Variants in HIP1 observed in about 807,000 individuals in gnomAD.
The protein encoded by HIP1 is huntingtin interacting protein 1.
A neutral mutation model predicts 147.6 loss-of-function variants in HIP1; 65 were observed. The observed-to-expected ratio is 0.44, with a 90% confidence interval of 0.36 to 0.54. The LOEUF is 0.54. HIP1 is among the 20% of genes least tolerant of loss of function. The pLI is 0.00. For synonymous variants in HIP1, 479 were observed against 504.0 expected (o/e 0.95, Z 0.67); for missense variants, 1,061 against 1,299.6 (o/e 0.82, Z 2.82).
intron 1 of HIP1, among the ~76,000 whole-genome samples, chr7:75,601,517 A>C (rs1254732964): frequency 7.9e-5 from 12 of 151,634 alleles, no homozygotes; most frequent in African/African-American, 2.9e-4. Flanking sequence ...AATTGCTTGA[A>C]CCTGGGAGGC....
At chr7:75,738,565 G>A (rs1802101553) in intron 1 of HIP1, among the ~76,000 whole-genome samples, 2 of 152,008 alleles carry the variant, frequency 1.3e-5, no homozygotes, top group Non-Finnish European at 2.9e-5. Context: ...TCTTGGCCAC[G>A]CATCCTGCCA....
chr7:75,549,058 T>A, intron 22 of HIP1, 57 bp from the exon 23 acceptor site: 1 of 1,237,754 alleles, frequency 8.1e-7, no homozygotes, highest in Non-Finnish European at 1.2e-6. Flanking sequence ...TCTTCTCCTC[T>A]GCCATCTGTA....
chr7:75,559,889 C>T lies in HIP1; in HGVS notation c.1218G>A (p.Lys406=), dbSNP rs113843272. 33 of 1,608,834 alleles carry T rather than the reference C, an allele frequency of 2.1e-5. 2 individuals are homozygous for T. In the African/African-American group the frequency reaches 2.4e-4, roughly 12 times the overall value. The change falls in exon 14 of 31, where the codon AAG becomes AAA. Residue 406 remains lysine (K), a synonymous_variant. Transcript: ENST00000336926. ...TESQRVVLQL[K]GHVSELEADL... ...CTGCTTCCAGCTCGCTGACGTGGCC[C>T]TTCAGCTGCAGCACAACCCGCTGGC...
chr7:75,556,629 T>G, intron 17 of HIP1, 81 bp downstream of exon 17: 1 of 891,586 alleles, frequency 1.1e-6, no homozygotes, highest in Non-Finnish European at 1.8e-6. Flanking sequence ...GAGGCTGCAG[T>G]GAGCTGCGAT....
At chr7:75,594,327 ACTT>A (rs1563229136) in intron 2 of HIP1, among the ~76,000 whole-genome samples, 1 of 151,014 alleles carries the variant, frequency 6.6e-6, no homozygotes, top group East Asian at 2.0e-4. Flanking sequence ...TGAACACCCG[ACTT>A]CTTCCATAAA....
chr7:75,682,579 C>CGGAAAACAAA (rs1175375769), intron 1 of HIP1, among the ~76,000 whole-genome samples: 4 of 76,506 alleles, frequency 5.2e-5, no homozygotes, highest in African/African-American at 1.3e-4. Flanking sequence ...ATTTTACAGA[C>CGGAAAACAAA]AGAAAACAAA....
chr7:75,701,029 C>T (rs1800814095), intron 1 of HIP1, among the ~76,000 whole-genome samples: 1 of 152,054 alleles, frequency 6.6e-6, no homozygotes, highest in South Asian at 2.1e-4. Context: ...AACTTTTAAC[C>T]CCTAAACAAG....
In HIP1 at chr7:75,568,359, T is replaced by C; in HGVS notation, c.746-103A>G. On this transcript the variant is annotated intron_variant, in intron 8 of 30. Coordinates refer to ENST00000336926, the MANE Select transcript of HIP1 (RefSeq NM_005338.7). This position sits in a 1 kb window ranked among gnomAD's most constrained non-coding sequence, Gnocchi z 4.1. Reference sequence around the variant, plus strand: ...AGGGGCCCAGCTACCCTGGGGCATGTGGCCAGCACTGCCAGGGGCCACGAC... The same window carrying C: ...AGGGGCCCAGCTACCCTGGGGCATGCGGCCAGCACTGCCAGGGGCCACGAC... 1.2e-6 allele frequency: 1 copy of C among 800,850 alleles called. No homozygotes were observed. The highest frequency in any genetic ancestry group is 2.2e-6 in the Non-Finnish European group (1 of 447,688). 49.6% of individuals were successfully genotyped at this position (800,850 alleles called of 1,614,324 possible). A position where few individuals can be genotyped will look rare whatever the true frequency, so the allele number is the denominator to read the frequency against.
In HIP1 at chr7:75,563,234, T is replaced by C. The variant is rs868969978; in HGVS notation, c.833A>G (p.Asn278Ser). ...AATGAGCCGCTTGAAGTACTGCAGG[T>C]TGCTGGAGCGGTAGAACAGATCTTT... ...KLKDLFYRSS[N>S]LQYFKRLIQI... Residue 278 changes from asparagine to serine, a missense_variant, in exon 10 of 31, where the codon AAC (asparagine) becomes AGC (serine). Physicochemically the swap from Asn to Ser is conservative, Grantham distance 46. Transcript: ENST00000336926. 1 of 1,614,172 alleles carries C rather than the reference T, an allele frequency of 6.2e-7. No homozygotes were observed. Among genetic ancestry groups the C allele is most frequent in the Middle Eastern group, 1.6e-4 (1 of 6,062 alleles).
At chr7:75,570,482 A>G (rs895946154) in intron 8 of HIP1, among the ~76,000 whole-genome samples, 3 of 149,270 alleles carry the variant, frequency 2.0e-5, no homozygotes, top group South Asian at 2.1e-4. Flanking sequence ...TAGTAGAGAC[A>G]GGGTTTCACC....
chr7:75,536,629 G>A lies in HIP1; in HGVS notation c.*1543C>T, dbSNP rs1475014124. ...GCCCTCTGTCCTCATCCTGTCCACAGGGCAGCGAGAGCCTGGGGCATGTGG... is the reference window on the plus strand; with the variant it reads ...GCCCTCTGTCCTCATCCTGTCCACAAGGCAGCGAGAGCCTGGGGCATGTGG... On this transcript the variant is annotated 3_prime_UTR_variant, in exon 31 of 31. Coordinates refer to ENST00000336926, the MANE Select transcript of HIP1 (RefSeq NM_005338.7). The A allele has an allele frequency of 2.2e-5, 5 of 230,152 alleles. No individual in the cohort carries two copies. The East Asian group carries it at 3.1e-4, about 14-fold the overall frequency. 14.3% of individuals were successfully genotyped at this position (230,152 alleles called of 1,614,324 possible). A position where few individuals can be genotyped will look rare whatever the true frequency, so the allele number is the denominator to read the frequency against.
chr7:75,639,024 C>T, intron 1 of HIP1: 1 of 839,012 alleles, frequency 1.2e-6, no homozygotes, highest in South Asian at 5.6e-5. Context: ...GGAGGGGGCT[C>T]GGGGCAAAGC....
Position 75,556,091 on chromosome 7 carries a change from C to T in HIP1, c.1762G>A (p.Glu588Lys), listed in dbSNP as rs781969172. 1.2e-6 allele frequency: 2 copies of T among 1,614,218 alleles called. No individual in the cohort carries two copies. The highest frequency in any genetic ancestry group is 1.1e-5 in the South Asian group (1 of 91,084). ...DSLVSGAAHR[E>K]EELSALRKEL... Reference sequence around the variant, plus strand: ...TTCCGAAGAGCAGATAATTCCTCCTCCCTATGAGCTGCGCCACTCACCAGG... The same window carrying T: ...TTCCGAAGAGCAGATAATTCCTCCTTCCTATGAGCTGCGCCACTCACCAGG... Residue 588 changes from glutamate (E) to lysine (K), a missense_variant, in exon 18 of 31, where the codon GAG becomes AAG. Transcript: ENST00000336926.
chr7:75,615,126 G>C (rs1251243032), intron 1 of HIP1, among the ~76,000 whole-genome samples: 4 of 152,076 alleles, frequency 2.6e-5, no homozygotes, highest in Non-Finnish European at 2.9e-5. Flanking sequence ...CTGCCACACA[G>C]ATAGTAAGGC....
In HIP1 at chr7:75,732,820, C is replaced by T. The variant is rs117755040; in HGVS notation, c.120+5981G>A. On this transcript the variant is annotated intron_variant, in intron 1 of 30. Transcript: ENST00000336926. ...GTACCCAGGGCTGTGGTGAACACGA[C>T]AAGTCCTGATTCAGTAGTTCTGGGT... Among the ~76,000 whole-genome samples the T allele has an allele frequency of 2.5e-4, 38 of 152,256 alleles. No individual in the cohort carries two copies. The East Asian group carries it at 6.9e-3, about 28-fold the overall frequency.
At chr7:75,587,742 T>C (rs1554499866) in intron 4 of HIP1, among the ~76,000 whole-genome samples, 1 of 152,048 alleles carries the variant, frequency 6.6e-6, no homozygotes, top group East Asian at 1.9e-4. Flanking sequence ...GGAGGGAGGA[T>C]TGCTTGAGCT....
At chr7:75,592,896 G>T (rs1554501087) in intron 2 of HIP1, among the ~76,000 whole-genome samples, 1 of 152,176 alleles carries the variant, frequency 6.6e-6, no homozygotes, top group Non-Finnish European at 1.5e-5. Context: ...TACCCTGTAG[G>T]CCACGGTGGT....
At chr7:75,723,657 G>A (rs1483730146) in intron 1 of HIP1, among the ~76,000 whole-genome samples, 3 of 152,122 alleles carry the variant, frequency 2.0e-5, no homozygotes, top group African/African-American at 7.2e-5. Context: ...GTTAGCAGCT[G>A]TGCATGAAAC....
chr7:75,545,121 G>T lies in HIP1; in HGVS notation c.2627C>A (p.Ser876Tyr). 6.2e-7 allele frequency: 1 copy of T among 1,611,062 alleles called. No individual in the cohort carries two copies. Among genetic ancestry groups the T allele is most frequent in the Non-Finnish European group, 8.5e-7 (1 of 1,178,210 alleles). Residue 876 changes from serine (S) to tyrosine (Y), a missense_variant, in exon 26 of 31, where the codon TCC becomes TAC. Physicochemically the swap from Ser to Tyr is moderately radical, Grantham distance 144. Transcript: ENST00000336926. ...AGTGGCTCCCCAGCCCACAGCCTTG[G>T]AGGCTGAGATAAGTCCTTCTGTCCA... ...SRWTEGLISASKAVGWGATVM... is the reference protein window; with the variant it reads ...SRWTEGLISAYKAVGWGATVM...
Sources: gnomAD v4.1 joint callset for allele counts (sites outside exome capture counted in the v4.1 genomes callset) on GRCh38, gnomAD v4.1.1 for gene constraint, Gnocchi (gnomAD v3.1) non-coding constraint, MANE v1.5 for transcripts, NCBI Gene and HGNC (gene_info 2026-07-23, HGNC 2026-07-21) for gene names.